The following ABCB4 variants were observed in gnomAD, a reference collection of about 807,000 sequenced individuals.
The protein encoded by ABCB4 is phosphatidylcholine translocator ABCB4.
Under a neutral mutation model 145.7 loss-of-function variants are expected in ABCB4, and 76 were observed. The observed-to-expected ratio is 0.52, with a 90% CI of 0.43 to 0.63. The LOEUF is 0.63. Ranked by LOEUF, ABCB4 falls within the 30% of genes least tolerant of loss-of-function variation. The pLI is 0.00. For missense variants in ABCB4, 1,234 were observed against 1,553.1 expected (o/e 0.79, Z 3.45); for synonymous variants, 517 against 566.8 (o/e 0.91, Z 1.25).
At chr7:87,397,985 A>G (rs1343590794), downstream of ABCB4, among the ~76,000 whole-genome samples, 5 of 152,070 alleles carry the variant, frequency 3.3e-5, no homozygotes, top group African/African-American at 1.2e-4. Flanking sequence ...CACTTGCCAG[A>G]TCTGGGATTT....
At chr7:87,415,406 G>A (rs1401177812) in intron 21 of ABCB4, among the ~76,000 whole-genome samples, 1 of 152,120 alleles carries the variant, frequency 6.6e-6, no homozygotes, top group Non-Finnish European at 1.5e-5. Flanking sequence ...TGCTGACTGA[G>A]TAAACAATAT....
chr7:87,387,849 G>A, the ABCB4 span, among the ~76,000 whole-genome samples: 1 of 152,196 alleles, frequency 6.6e-6, no homozygotes, highest in Non-Finnish European at 1.5e-5. Flanking sequence ...CTACTCAGGA[G>A]GCTGAGATAG....
intron 19 of ABCB4, among the ~76,000 whole-genome samples, chr7:87,419,586 A>T (rs1490142147): frequency 6.6e-6 from 1 of 152,212 alleles, no homozygotes; most frequent in Non-Finnish European, 1.5e-5. Context: ...ACCTACAGTT[A>T]GTATGGTAGA....
intron 25 of ABCB4, 35 bp downstream of exon 25, chr7:87,408,002 T>C (rs754513436): frequency 1.2e-6 from 2 of 1,611,092 alleles, no homozygotes; most frequent in Non-Finnish European, 1.7e-6. Flanking sequence ...AATTAAAATA[T>C]AGCCTTCAAT....
chr7:87,449,459 T>C (rs981740128), intron 8 of ABCB4, among the ~76,000 whole-genome samples: 22 of 152,090 alleles, frequency 1.4e-4, no homozygotes, highest in Non-Finnish European at 3.1e-4. Context: ...ATTTTTACTC[T>C]TTTTTTGTGA....
the ABCB4 span, among the ~76,000 whole-genome samples, chr7:87,386,743 C>T: frequency 5.9e-5 from 9 of 152,054 alleles, no homozygotes; most frequent in South Asian, 4.1e-4. Context: ...CTTCCTACAC[C>T]GTAACACTGC....
the ABCB4 span, chr7:87,375,843 A>T: frequency 6.2e-7 from 1 of 1,613,530 alleles, no homozygotes; most frequent in Non-Finnish European, 8.5e-7. Flanking sequence ...AGAATATCTG[A>T]TTGGTCTTGA....
Position 87,443,777 on chromosome 7 carries a change from A to C in ABCB4, c.1120-4T>G. Reference sequence around the variant, plus strand: ...AAAAACTGTCAATTTTAGGATTCTAAATAAAACAAAATGTAATGACTATTC... The same window carrying C: ...AAAAACTGTCAATTTTAGGATTCTACATAAAACAAAATGTAATGACTATTC... On this transcript the variant is annotated splice_polypyrimidine_tract_variant and splice_region_variant and intron_variant, in intron 10 of 27. Coordinates refer to ENST00000649586, the MANE Select transcript of ABCB4 (RefSeq NM_000443.4). 6.3e-7 allele frequency: 1 copy of C among 1,596,950 alleles called. No homozygotes were observed. Among genetic ancestry groups the C allele is most frequent in the Non-Finnish European group, 8.6e-7 (1 of 1,164,542 alleles).
intron 21 of ABCB4, among the ~76,000 whole-genome samples, chr7:87,414,850 C>T (rs1808860390): frequency 6.6e-6 from 1 of 152,094 alleles, no homozygotes; most frequent in South Asian, 2.1e-4. Context: ...CCTCATTCAC[C>T]AATATGATCT....
chr7:87,443,297 A>G, intron 12 of ABCB4, 22 bp downstream of exon 12: 1 of 1,613,854 alleles, frequency 6.2e-7, no homozygotes, highest in South Asian at 1.1e-5. Flanking sequence ...CCACTCTGGA[A>G]AGCTTGGTTC....
At chr7:87,421,321 C>G (rs755709212) in intron 18 of ABCB4, among the ~76,000 whole-genome samples, 4 of 152,098 alleles carry the variant, frequency 2.6e-5, no homozygotes, top group Non-Finnish European at 4.4e-5. Context: ...CCAGACTGCC[C>G]TCCCCCTCCA....
In ABCB4 at chr7:87,408,061, G is replaced by A. The variant is rs772103147; in HGVS notation, c.3255C>T (p.Phe1085=). The A allele has an allele frequency of 3.7e-6, 6 of 1,614,050 alleles. No homozygotes were observed. The highest frequency in any genetic ancestry group is 4.2e-6 in the Non-Finnish European group (5 of 1,180,036). The part of the protein sequence containing the change: ...KSTVVQLLER[F]YDPLAGTVLL... ...CCACTGTCCCCGCCAAGGGGTCGTA[G>A]AACCGCTCCAGGAGCTGGACCACCG... is the stretch of plus-strand genomic sequence containing the variant. Residue 1085 remains phenylalanine (F), a synonymous_variant, in exon 25 of 28, where the codon TTC becomes TTT. Coordinates refer to ENST00000649586, the MANE Select transcript of ABCB4 (RefSeq NM_000443.4).
chr7:87,406,894 A>G (rs1488709072), intron 25 of ABCB4, among the ~76,000 whole-genome samples: 2 of 152,172 alleles, frequency 1.3e-5, no homozygotes, highest in African/African-American at 4.8e-5. Context: ...CACAGCAGTG[A>G]AAAAGCTGAT....
intron 3 of ABCB4, among the ~76,000 whole-genome samples, chr7:87,463,526 T>C (rs17149677): frequency 0.024 from 3,602 of 152,272 alleles, 137 homozygotes; most frequent in African/African-American, 0.082. Context: ...ACCTGCCAAG[T>C]ATGCAGAACC....
intron 21 of ABCB4, among the ~76,000 whole-genome samples, chr7:87,415,379 T>G (rs931900507): frequency 6.6e-6 from 1 of 152,338 alleles, no homozygotes; most frequent in Middle Eastern, 3.4e-3. Context: ...GAACCTTCTT[T>G]CCGACTCTTA....
intron 3 of ABCB4, among the ~76,000 whole-genome samples, chr7:87,468,725 G>A (rs1264876180): frequency 1.3e-5 from 2 of 152,004 alleles, no homozygotes; most frequent in African/African-American, 2.4e-5. Context: ...AAGGTCAAGA[G>A]ATCAAGACCA....
the ABCB4 span, among the ~76,000 whole-genome samples, chr7:87,367,349 C>G: frequency 6.6e-6 from 1 of 152,100 alleles, no homozygotes; most frequent in Non-Finnish European, 1.5e-5. Flanking sequence ...CCTCTAAAAG[C>G]TGGAAAAAGG....
At chr7:87,464,043 C>G (rs751703582) in intron 3 of ABCB4, among the ~76,000 whole-genome samples, 9 of 151,966 alleles carry the variant, frequency 5.9e-5, no homozygotes, top group Non-Finnish European at 8.8e-5. Flanking sequence ...TTTTAAAATG[C>G]TTTACTCTGC....
chr7:87,381,150 T>G, the ABCB4 span, among the ~76,000 whole-genome samples: 1 of 152,216 alleles, frequency 6.6e-6, no homozygotes, highest in East Asian at 1.9e-4. Flanking sequence ...CCTCCCAAGC[T>G]CGCAGTGTCA....
Sources: allele counts gnomAD v4.1 joint callset (sites outside exome capture counted in the v4.1 genomes callset), GRCh38; gene constraint gnomAD v4.1.1; transcripts MANE v1.5; gene names NCBI Gene and HGNC (gene_info 2026-07-23, HGNC 2026-07-21).